ULK4: variants seen among roughly 807,000 people sequenced by gnomAD.
The protein encoded by ULK4 is inactive serine/threonine-protein kinase ULK4.
ULK4 carries 133 observed loss-of-function variants against 160.6 expected under a neutral mutation model. The observed-to-expected ratio is 0.83, with a 90% confidence interval of 0.72 to 0.96. ULK4 has a LOEUF of 0.96. Among genes scored for constraint, ULK4 ranks in the 40% least tolerant of loss-of-function variants. The pLI is 0.00. For missense variants in ULK4, 1,580 were observed against 1,499.5 expected, an observed-to-expected ratio of 1.05 and a Z score of -0.89; for synonymous variants, 534 against 539.8, an observed-to-expected ratio of 0.99 and a Z score of 0.15.
At chr3:41,870,657 G>A (rs868560868) in intron 17 of ULK4, among the ~76,000 whole-genome samples, 4 of 152,118 alleles carry the variant, frequency 2.6e-5, no homozygotes, top group Non-Finnish European at 5.9e-5. Flanking sequence ...TCTGCCATTG[G>A]TACAATGTGT....
intron 35 of ULK4, among the ~76,000 whole-genome samples, chr3:41,265,179 G>A (rs1470856901): frequency 6.6e-6 from 1 of 152,238 alleles, no homozygotes; most frequent in Admixed American, 6.5e-5. Context: ...AGGGCAGGTA[G>A]GGGACCATCT....
intron 21 of ULK4, among the ~76,000 whole-genome samples, chr3:41,772,416 C>T (rs1398978295): frequency 2.6e-5 from 4 of 152,002 alleles, no homozygotes; most frequent in Non-Finnish European, 4.4e-5. Context: ...GAAATACAAA[C>T]TACCATCAGA....
chr3:41,284,167 G>A (rs944160813), intron 35 of ULK4, among the ~76,000 whole-genome samples: 3 of 152,054 alleles, frequency 2.0e-5, no homozygotes, highest in Admixed American at 1.3e-4. Flanking sequence ...TGACCATACT[G>A]CCAAAAGCAA....
chr3:41,773,362 C>T (rs373278289), intron 21 of ULK4, among the ~76,000 whole-genome samples: 1 of 152,316 alleles, frequency 6.6e-6, no homozygotes, highest in Admixed American at 6.5e-5. Flanking sequence ...TGATAAGCAA[C>T]TTCAGCAAAG....
At chr3:41,824,787 T>C (rs150213032) in intron 18 of ULK4, among the ~76,000 whole-genome samples, 1 of 152,284 alleles carries the variant, frequency 6.6e-6, no homozygotes, top group East Asian at 1.9e-4. Context: ...CAGACTTAAA[T>C]GTCCCTGTCT....
At chr3:41,716,217 A>C (rs987332505) in intron 23 of ULK4, among the ~76,000 whole-genome samples, 5 of 472 alleles carry the variant, frequency 0.011, no homozygotes, top group Non-Finnish European at 0.033. Context: ...TGTCTCACAA[A>C]ATAATAATAA....
chr3:41,944,757 C>T (rs572644263), intron 2 of ULK4, among the ~76,000 whole-genome samples: 2 of 152,196 alleles, frequency 1.3e-5, no homozygotes, highest in East Asian at 3.9e-4. Context: ...CCCCCTTAAA[C>T]ATATTTCAGT....
intron 35 of ULK4, among the ~76,000 whole-genome samples, chr3:41,293,980 A>G (rs562244582): frequency 6.6e-6 from 1 of 152,332 alleles, no homozygotes. Flanking sequence ...AAGGTGTGGA[A>G]CAGTGTGTGA....
At chr3:41,763,154 G>A (rs1179014305) in intron 21 of ULK4, among the ~76,000 whole-genome samples, 1 of 151,864 alleles carries the variant, frequency 6.6e-6, no homozygotes, top group African/African-American at 2.4e-5. Context: ...CTACATACAG[G>A]ATAGGATAAA....
At chr3:41,315,786 A>G (rs1179047356) in intron 35 of ULK4, among the ~76,000 whole-genome samples, 1 of 152,206 alleles carries the variant, frequency 6.6e-6, no homozygotes, top group African/African-American at 2.4e-5. Context: ...GAAAACATAG[A>G]TGCTCAATAT....
chr3:41,923,066 C>T (rs946481924), intron 5 of ULK4, among the ~76,000 whole-genome samples: 1 of 151,234 alleles, frequency 6.6e-6, no homozygotes, highest in Non-Finnish European at 1.5e-5. Context: ...CCCAGCTACT[C>T]GGGAGGCAGG....
At chr3:41,397,280 T>C (rs2082082793) in intron 35 of ULK4, among the ~76,000 whole-genome samples, 1 of 152,130 alleles carries the variant, frequency 6.6e-6, no homozygotes, top group African/African-American at 2.4e-5. Context: ...TTAAATAAAA[T>C]AAGTGAAGCA....
chr3:41,733,042 G>A (rs1205026314), intron 22 of ULK4, among the ~76,000 whole-genome samples: 1 of 152,076 alleles, frequency 6.6e-6, no homozygotes, highest in Non-Finnish European at 1.5e-5. Context: ...CTATTGCACA[G>A]TAAGGTGACT....
At chr3:41,661,492 G>A (rs2125758462) in intron 30 of ULK4, among the ~76,000 whole-genome samples, 1 of 136,102 alleles carries the variant, frequency 7.3e-6, no homozygotes, top group East Asian at 2.0e-4. Context: ...CAGGCAGATA[G>A]ACAGATAGAT....
chr3:41,778,098 CA>C (rs2039701866), intron 21 of ULK4, among the ~76,000 whole-genome samples: 1 of 125,414 alleles, frequency 8.0e-6, no homozygotes, highest in Non-Finnish European at 1.6e-5. Flanking sequence ...TGTCTCAGCC[CA>C]AAATCTCCTT....
chr3:41,369,156 T>G (rs978588098), intron 35 of ULK4, among the ~76,000 whole-genome samples: 1 of 152,236 alleles, frequency 6.6e-6, no homozygotes, highest in Non-Finnish European at 1.5e-5. Flanking sequence ...TAACAACTGC[T>G]ATAGCATTTA....
At chr3:41,590,461 C>CAAAAAA (rs71075479) in intron 31 of ULK4, among the ~76,000 whole-genome samples, 10 of 56,912 alleles carry the variant, frequency 1.8e-4, no homozygotes, top group South Asian at 8.6e-4. Context: ...ACTAAAAATA[C>CAAAAAA]AAAAAAAAAA....
At chr3:41,685,876 T>C (rs528647987) in intron 27 of ULK4, among the ~76,000 whole-genome samples, 5 of 152,270 alleles carry the variant, frequency 3.3e-5, no homozygotes, top group African/African-American at 1.2e-4. Context: ...CAATTTCTAT[T>C]GCACTGAGAG....
intron 31 of ULK4, among the ~76,000 whole-genome samples, chr3:41,604,955 TGTG>T (rs1439245619): frequency 6.6e-6 from 1 of 152,146 alleles, no homozygotes; most frequent in Admixed American, 6.6e-5. Context: ...TGCTTCTCAC[TGTG>T]CATACTTAAT....
Sources: allele counts gnomAD v4.1 joint callset (sites outside exome capture counted in the v4.1 genomes callset), GRCh38; gene constraint gnomAD v4.1.1; transcripts MANE v1.5; gene names NCBI Gene and HGNC (gene_info 2026-07-23, HGNC 2026-07-21).